The following FMNL3 variants were observed in gnomAD, a reference collection of about 807,000 sequenced individuals.
FMNL3 encodes formin-like protein 3.
In FMNL3, 57 loss-of-function variants were observed where a neutral mutation model predicts 119.6. That is an observed-to-expected ratio of 0.48 (90% CI 0.39 to 0.59). The LOEUF (loss-of-function observed/expected upper bound fraction) is 0.59. FMNL3 is among the 20% of genes least tolerant of loss of function. The probability of loss-of-function intolerance (pLI) is 0.00; values close to 1 mark genes in which losing one functional copy is unlikely to be tolerated. For synonymous variants in FMNL3, 491 were observed against 507.3 expected (o/e 0.97, Z 0.43); for missense variants, 1,053 against 1,323.5 (o/e 0.80, Z 3.17).
Position 49,666,222 on chromosome 12 carries a change from T to A in FMNL3, c.211-15A>T. 6.2e-7 allele frequency: 1 copy of A among 1,608,200 alleles called. No individual in the cohort carries two copies. The highest frequency in any genetic ancestry group is 8.5e-7 in the Non-Finnish European group (1 of 1,176,186). ...TGGAATCGTTCCTGTAAGGGAAACATGCATATGCGTATCCACAAAGACAAC... is the reference window on the plus strand; with the variant it reads ...TGGAATCGTTCCTGTAAGGGAAACAAGCATATGCGTATCCACAAAGACAAC... On this transcript the variant is annotated splice_polypyrimidine_tract_variant and intron_variant, in intron 2 of 25. Coordinates refer to ENST00000335154, the MANE Select transcript of FMNL3 (RefSeq NM_175736.5).
At chr12:49,660,398 C>T (rs1364148897) in intron 5 of FMNL3, among the ~76,000 whole-genome samples, 3 of 152,076 alleles carry the variant, frequency 2.0e-5, no homozygotes, top group Non-Finnish European at 4.4e-5. Context: ...ACTATAAAAG[C>T]TCTGAATTTT....
intron 1 of FMNL3, among the ~76,000 whole-genome samples, chr12:49,671,201 C>T (rs187530903): frequency 5.3e-5 from 8 of 152,332 alleles, no homozygotes; most frequent in East Asian, 3.9e-4. Flanking sequence ...TTGGTCCCCT[C>T]GGTTTGAAAA....
At chr12:49,651,526 C>A in intron 14 of FMNL3, 76 bp from the exon 15 acceptor site, 1 of 1,189,164 alleles carries the variant, frequency 8.4e-7, no homozygotes, top group African/African-American at 1.6e-5. Flanking sequence ...TCTGCCTGTC[C>A]CACCTTCTCT....
At chr12:49,699,255 G>A (rs1592699673) in intron 1 of FMNL3, among the ~76,000 whole-genome samples, 1 of 152,154 alleles carries the variant, frequency 6.6e-6, no homozygotes, top group East Asian at 1.9e-4. Flanking sequence ...TCACTTCTGG[G>A]GCACATACTT....
In FMNL3 at chr12:49,666,131, C is replaced by T. The variant is rs746992567; in HGVS notation, c.287G>A (p.Arg96Gln). 9 of 1,613,772 alleles carry T rather than the reference C, an allele frequency of 5.6e-6. No homozygotes were observed. The highest frequency in any genetic ancestry group is 4.4e-5 in the South Asian group (4 of 91,064). Residue 96 changes from arginine to glutamine, a missense_variant, in exon 3 of 26, where the codon CGG becomes CAG. By Grantham distance (43) the Arg-to-Gln change is conservative. Transcript: ENST00000335154. ...ACTCTCTGCCTCATACTTCACCTTCCGAGTTACACTGGGGTCCAAGAAGCT... is the reference window on the plus strand; with the variant it reads ...ACTCTCTGCCTCATACTTCACCTTCTGAGTTACACTGGGGTCCAAGAAGCT... ...LQSFLDPSVT[R>Q]KKFRRRVQES...
Position 49,649,420 on chromosome 12 carries a change from C to G in FMNL3, c.2304+50G>C. 6.2e-7 allele frequency: 1 copy of G among 1,612,372 alleles called. No individual in the cohort carries two copies. The highest frequency in any genetic ancestry group is 8.5e-7 in the Non-Finnish European group (1 of 1,178,546). ...TCCTCTCTGTATAGCCCCAGGCCCC[C>G]ACCTAGGACCTGAAAACCCCCAGCA... On this transcript the variant is annotated intron_variant, in intron 19 of 25. Transcript: ENST00000335154. The surrounding 1 kb of genome is among the most constrained non-coding windows in gnomAD (Gnocchi z 5.6).
In FMNL3 at chr12:49,636,511, T is replaced by A; in HGVS notation, c.*9304A>T. 1.8e-6 allele frequency: 1 copy of A among 560,790 alleles called. No individual in the cohort carries two copies. The highest frequency in any genetic ancestry group is 3.1e-6 in the Non-Finnish European group (1 of 320,878). The allele number at this position is 560,790 out of a possible 1,614,324, so 34.7% of individuals were successfully genotyped here. ...AATTCACAAGAGCTGAATACTTGCT[T>A]ATTTATTCTTATACAATTAATGATC... On this transcript the variant is annotated 3_prime_UTR_variant, in exon 26 of 26. Transcript: ENST00000335154.
At position 49,638,411 on chromosome 12, in the gene FMNL3, A is replaced by G. The variant is rs531166981; in HGVS notation, c.*7404T>C. ...TTCTGCAGACTCAAGCTGAGATGCC[A>G]CTTTAGAAAGGGCAAGTCATCCTTC... On this transcript the variant is annotated 3_prime_UTR_variant, in exon 26 of 26. Transcript: ENST00000335154. 1 of 152,354 alleles carries G rather than the reference A, an allele frequency of 6.6e-6. No individual in the cohort carries two copies. The highest frequency in any genetic ancestry group is 2.4e-5 in the African/African-American group (1 of 41,448). The allele number at this position is 152,354 out of a possible 1,614,324, so 9.4% of individuals were successfully genotyped here.
chr12:49,642,613 G>A lies in FMNL3; in HGVS notation c.*3202C>T. ...GCGTTTTGTGTGTGACTCAGCCTTTGAGCAGATCACCCTGGAGTCGGAGCG... is the reference window on the plus strand; with the variant it reads ...GCGTTTTGTGTGTGACTCAGCCTTTAAGCAGATCACCCTGGAGTCGGAGCG... On this transcript the variant is annotated 3_prime_UTR_variant, in exon 26 of 26. Coordinates refer to ENST00000335154, the MANE Select transcript of FMNL3 (RefSeq NM_175736.5). The surrounding 1 kb of genome is among the most constrained non-coding windows in gnomAD (Gnocchi z 5.8). 1 of 1,614,184 alleles carries A rather than the reference G, an allele frequency of 6.2e-7. No homozygotes were observed. The highest frequency in any genetic ancestry group is 8.5e-7 in the Non-Finnish European group (1 of 1,180,030).
At chr12:49,690,259 C>A (rs1224399434) in intron 1 of FMNL3, among the ~76,000 whole-genome samples, 2 of 152,098 alleles carry the variant, frequency 1.3e-5, no homozygotes, top group Non-Finnish European at 2.9e-5. Context: ...TTGTATACCC[C>A]CAAGTACAAG....
At chr12:49,656,286 G>T in intron 9 of FMNL3, 118 bp downstream of exon 9, 1 of 715,806 alleles carries the variant, frequency 1.4e-6, no homozygotes. Flanking sequence ...AGGCTGCTTG[G>T]CCAAGCATTG....
rs955299541 is a variant in FMNL3, at chr12:49,649,392, T to C, written c.2305-53A>G. 6 of 1,613,650 alleles carry C rather than the reference T, an allele frequency of 3.7e-6. No individual in the cohort carries two copies. Among genetic ancestry groups the C allele is most frequent in the African/African-American group, 1.3e-5 (1 of 75,030 alleles). On this transcript the variant is annotated intron_variant, in intron 19 of 25. Transcript: ENST00000335154. This position sits in a 1 kb window ranked among gnomAD's most constrained non-coding sequence, Gnocchi z 5.6. ...TCAGGCTCAGGTCCTGAAGGCTCCT[T>C]CTTCCTCTCTGTATAGCCCCAGGCC...
chr12:49,701,421 C>A (rs1944906905), intron 1 of FMNL3, among the ~76,000 whole-genome samples: 1 of 152,130 alleles, frequency 6.6e-6, no homozygotes, highest in Non-Finnish European at 1.5e-5. Context: ...GAAACAAAAA[C>A]AGTTATATCC....
chr12:49,641,659 T>C lies in FMNL3; in HGVS notation c.*4156A>G, dbSNP rs1942669651. The C allele has an allele frequency of 2.1e-6, 1 of 486,342 alleles. No homozygotes were observed. The highest frequency in any genetic ancestry group is 3.3e-5 in the East Asian group (1 of 29,926). The allele number at this position is 486,342 out of a possible 1,614,324, so 30.1% of individuals were successfully genotyped here. On this transcript the variant is annotated 3_prime_UTR_variant, in exon 26 of 26. Transcript: ENST00000335154. ...AAGTTAATTTTGAGAAACTCAGCAT[T>C]AATCAGCAGTTGGGAGACATCTCCC...
At chr12:49,682,072 C>CTT (rs1265176099) in intron 1 of FMNL3, among the ~76,000 whole-genome samples, 201 of 139,062 alleles carry the variant, frequency 1.4e-3, no homozygotes, top group South Asian at 9.4e-3. Context: ...CAATTTCAAC[C>CTT]TTTTTTTTTT....
chr12:49,707,208 G>A lies in FMNL3; in HGVS notation c.-28C>T. The A allele has an allele frequency of 6.8e-7, 1 of 1,479,794 alleles. No individual in the cohort carries two copies. The highest frequency in any genetic ancestry group is 8.9e-7 in the Non-Finnish European group (1 of 1,121,548). 91.7% of individuals were successfully genotyped at this position (1,479,794 alleles called of 1,614,324 possible). A position where few individuals can be genotyped will look rare whatever the true frequency, so the allele number is the denominator to read the frequency against. ...CGGCGGGGCCCCCTCAGGGGCCTCG[G>A]CCCCCCACCTCCACGCTCCGGAGCT... On this transcript the variant is annotated 5_prime_UTR_variant, in exon 1 of 26. Coordinates refer to ENST00000335154, the MANE Select transcript of FMNL3 (RefSeq NM_175736.5).
rs1483735037 is a variant in FMNL3, at chr12:49,650,946, A to C, written c.1798-68T>G. Reference sequence around the variant, plus strand: ...CTAGTGGAGGACCTCATGACAGCCCACCCAGCATTGGCCCAGAGCTCTGTC... The same window carrying C: ...CTAGTGGAGGACCTCATGACAGCCCCCCCAGCATTGGCCCAGAGCTCTGTC... On this transcript the variant is annotated intron_variant, in intron 16 of 25. Transcript: ENST00000335154. The C allele has an allele frequency of 3.8e-6, 6 of 1,567,176 alleles. No individual in the cohort carries two copies. In the South Asian group the frequency reaches 4.5e-5, roughly 12 times the overall value.
In FMNL3 at chr12:49,637,069, A is replaced by C; in HGVS notation, c.*8746T>G. 4.3e-6 allele frequency: 3 copies of C among 694,136 alleles called. No individual in the cohort carries two copies. Among genetic ancestry groups the C allele is most frequent in the Non-Finnish European group, 4.7e-6 (2 of 424,820 alleles). 43.0% of individuals were successfully genotyped at this position (694,136 alleles called of 1,614,324 possible). A position where few individuals can be genotyped will look rare whatever the true frequency, so the allele number is the denominator to read the frequency against. ...GAGACTAGATGTATGCACCACCCAG[A>C]AACTGCCAGTAGAGAGCACCCTACA... On this transcript the variant is annotated 3_prime_UTR_variant, in exon 26 of 26. Transcript: ENST00000335154.
At chr12:49,680,176 C>G (rs573280597) in intron 1 of FMNL3, among the ~76,000 whole-genome samples, 77 of 152,316 alleles carry the variant, frequency 5.1e-4, no homozygotes, top group East Asian at 3.7e-3. Flanking sequence ...GGGGGCAGCA[C>G]CCAGTACACT....
Sources: allele counts gnomAD v4.1 joint callset (sites outside exome capture counted in the v4.1 genomes callset), GRCh38; gene constraint gnomAD v4.1.1; non-coding constraint Gnocchi (gnomAD v3.1); transcripts MANE v1.5; gene names NCBI Gene and HGNC (gene_info 2026-07-23, HGNC 2026-07-21).